The following GALNT14 variants were observed in gnomAD, a reference collection of about 807,000 sequenced individuals.
GALNT14 encodes polypeptide N-acetylgalactosaminyltransferase 14.
A neutral mutation model predicts 77.5 loss-of-function variants in GALNT14; 60 were observed. That is an observed-to-expected ratio of 0.77 (90% CI 0.63 to 0.96). The LOEUF is 0.96. GALNT14 is among the 40% of genes least tolerant of loss of function. GALNT14 has a pLI of 0.00. For synonymous variants in GALNT14, 280 were observed against 281.7 expected (o/e 0.99, Z 0.06); for missense variants, 710 against 731.0 (o/e 0.97, Z 0.33).
At chr2:31,092,145 C>T (rs921425804) in intron 1 of GALNT14, among the ~76,000 whole-genome samples, 4 of 152,100 alleles carry the variant, frequency 2.6e-5, no homozygotes, top group African/African-American at 9.7e-5. Flanking sequence ...CCGTTGGCTT[C>T]CCTACTTTTG....
At chr2:31,137,744 C>G (rs1365686515) in intron 1 of GALNT14, among the ~76,000 whole-genome samples, 2 of 152,202 alleles carry the variant, frequency 1.3e-5, no homozygotes, top group African/African-American at 4.8e-5. Context: ...ACCACCCACA[C>G]CCACTGCCAC....
chr2:31,106,776 CT>C (rs5830196), intron 1 of GALNT14, among the ~76,000 whole-genome samples: 3,155 of 152,302 alleles, frequency 0.021, 93 homozygotes, highest in African/African-American at 0.072. Context: ...ATTCTTCCCC[CT>C]AATATCATTG....
chr2:31,050,076 G>T (rs1453127900), intron 1 of GALNT14, among the ~76,000 whole-genome samples: 1 of 152,052 alleles, frequency 6.6e-6, no homozygotes, highest in East Asian at 1.9e-4. Context: ...TGGCCACTCG[G>T]GGCTTTGGTG....
intron 1 of GALNT14, among the ~76,000 whole-genome samples, chr2:31,054,290 C>T (rs1483100986): frequency 6.6e-6 from 1 of 152,150 alleles, no homozygotes; most frequent in African/African-American, 2.4e-5. Flanking sequence ...GGCCATTGTG[C>T]CAATGCCATC....
chr2:30,979,500 A>T (rs963467418), intron 2 of GALNT14, among the ~76,000 whole-genome samples: 14 of 152,018 alleles, frequency 9.2e-5, no homozygotes, highest in African/African-American at 3.1e-4. Flanking sequence ...AGCAGAAGAG[A>T]CTCAACCACC....
intron 1 of GALNT14, among the ~76,000 whole-genome samples, chr2:31,092,264 C>CAT (rs34314257): frequency 0.064 from 9,455 of 147,116 alleles, 302 homozygotes; most frequent in East Asian, 0.088. Context: ...AACTCCCCTT[C>CAT]ATATATATAT....
chr2:30,925,955 G>A (rs114783874), intron 11 of GALNT14, among the ~76,000 whole-genome samples: 3,793 of 152,222 alleles, frequency 0.025, 178 homozygotes, highest in African/African-American at 0.085. Context: ...AGAACAACAG[G>A]CTGAGTGCCT....
intron 1 of GALNT14, chr2:31,078,957 T>C (rs1675987371): frequency 7.8e-7 from 1 of 1,289,176 alleles, no homozygotes; most frequent in African/African-American, 1.5e-5. Context: ...TCTTGGGCCA[T>C]GGCTGTTCCA....
intron 1 of GALNT14, among the ~76,000 whole-genome samples, chr2:31,014,189 C>T (rs1671205002): frequency 6.6e-6 from 1 of 152,156 alleles, no homozygotes; most frequent in Non-Finnish European, 1.5e-5. Flanking sequence ...AAAGCAGTGG[C>T]TTGCACATAG....
chr2:30,980,524 A>T (rs1435709870), intron 2 of GALNT14, among the ~76,000 whole-genome samples: 2 of 152,220 alleles, frequency 1.3e-5, no homozygotes, highest in Non-Finnish European at 2.9e-5. Flanking sequence ...CACCCTGAGG[A>T]CCATTATTAT....
At chr2:31,131,201 C>T (rs1301060694) in intron 1 of GALNT14, among the ~76,000 whole-genome samples, 1 of 152,146 alleles carries the variant, frequency 6.6e-6, no homozygotes, top group Non-Finnish European at 1.5e-5. Flanking sequence ...TTGATCTTGA[C>T]ATGATGGGAG....
At chr2:31,114,925 C>G in intron 1 of GALNT14, 1 of 648,636 alleles carries the variant, frequency 1.5e-6, no homozygotes, top group South Asian at 1.9e-5. Context: ...CATACACCAT[C>G]TGCAAAACTG....
chr2:31,116,558 G>A (rs1678116423), intron 1 of GALNT14, among the ~76,000 whole-genome samples: 2 of 151,918 alleles, frequency 1.3e-5, no homozygotes, highest in Admixed American at 1.3e-4. Flanking sequence ...AAACAAAATA[G>A]CACTAAAATA....
chr2:30,914,315 G>T lies in GALNT14; in HGVS notation c.1381-1973C>A, dbSNP rs557435996. Among the ~76,000 whole-genome samples the T allele has an allele frequency of 2.2e-3, 332 of 152,228 alleles. 1 individual carries two copies. Among genetic ancestry groups the T allele is most frequent in the African/African-American group, 7.8e-3 (323 of 41,518 alleles). The stretch of plus-strand genomic sequence containing the variant: ...TTGTTGATGCTGGAGAGTTAGGGCC[G>T]GCTCTGAGCTCTTTTAGATAACCTT... On this transcript the variant is annotated intron_variant, in intron 13 of 14. Coordinates refer to ENST00000349752, the MANE Select transcript of GALNT14 (RefSeq NM_024572.4).
At chr2:31,021,611 C>G (rs566435322) in intron 1 of GALNT14, among the ~76,000 whole-genome samples, 20 of 152,294 alleles carry the variant, frequency 1.3e-4, no homozygotes, top group Non-Finnish European at 5.9e-5. Context: ...CAGCCAGCTG[C>G]TTTTATAAAT....
At chr2:31,062,721 C>T (rs1364083613) in intron 1 of GALNT14, among the ~76,000 whole-genome samples, 1 of 150,384 alleles carries the variant, frequency 6.6e-6, no homozygotes, top group Non-Finnish European at 1.5e-5. Context: ...TCTCCAGTAT[C>T]TGTTGTTTCA....
At chr2:31,049,714 C>T (rs1047591365) in intron 1 of GALNT14, among the ~76,000 whole-genome samples, 1 of 152,146 alleles carries the variant, frequency 6.6e-6, no homozygotes, top group African/African-American at 2.4e-5. Context: ...AGGAGGGGAC[C>T]CAACCACAAA....
chr2:30,969,370 G>A lies in GALNT14; in HGVS notation c.300-3068C>T, dbSNP rs534121529. On this transcript the variant is annotated intron_variant, in intron 2 of 14. Transcript: ENST00000349752. ...TCCTATTCCACATGCTGGGAGGCAG[G>A]GGGACCACACACCCCAGCTTTTGTG... Among the ~76,000 whole-genome samples, 6 of 152,326 alleles carry A rather than the reference G, an allele frequency of 3.9e-5. No homozygotes were observed. In the South Asian group the frequency reaches 1.2e-3, roughly 32 times the overall value.
intron 1 of GALNT14, among the ~76,000 whole-genome samples, chr2:31,050,579 C>T (rs1399119616): frequency 1.3e-5 from 2 of 152,086 alleles, no homozygotes; most frequent in African/African-American, 4.8e-5. Context: ...AGGAGGAAAA[C>T]TAGTAAAATC....
Sources: gnomAD v4.1 joint callset for allele counts (sites outside exome capture counted in the v4.1 genomes callset) on GRCh38, gnomAD v4.1.1 for gene constraint, MANE v1.5 for transcripts, NCBI Gene and HGNC (gene_info 2026-07-23, HGNC 2026-07-21) for gene names.